Variants in TMEM135 observed in about 807,000 individuals in gnomAD.
TMEM135 encodes the protein peroxisomal membrane protein 52.
Under a neutral mutation model 60.3 loss-of-function variants are expected in TMEM135, and 30 were observed. That is an observed-to-expected ratio of 0.50 (90% CI 0.37 to 0.68). TMEM135 has a LOEUF of 0.68. Ranked by LOEUF, TMEM135 falls within the 30% of genes least tolerant of loss-of-function variation. The pLI, the probability that TMEM135 is intolerant of heterozygous loss-of-function variation, is 0.00. For missense variants in TMEM135, 468 were observed against 548.8 expected (o/e 0.85, Z 1.47); for synonymous variants, 190 against 186.7 (o/e 1.02, Z -0.14).
intron 4 of TMEM135, among the ~76,000 whole-genome samples, chr11:87,098,466 A>T (rs572327368): frequency 6.6e-6 from 1 of 152,290 alleles, no homozygotes; most frequent in South Asian, 2.1e-4. Context: ...TACATAGATG[A>T]AGTACATGAC....
intron 5 of TMEM135, among the ~76,000 whole-genome samples, chr11:87,196,752 T>C (rs1939967104): frequency 6.7e-6 from 1 of 148,324 alleles, no homozygotes; most frequent in South Asian, 2.2e-4. Context: ...GCCAGTGAAA[T>C]TTTCAATGAA....
Position 87,203,744 on chromosome 11 carries a change from G to T in TMEM135, c.463-32894G>T, listed in dbSNP as rs553439469. 9.9e-4 allele frequency among the ~76,000 whole-genome samples: 150 copies of T among 152,284 alleles called. 1 individual carries two copies. The highest frequency in any genetic ancestry group is 3.6e-3 in the African/African-American group (149 of 41,562). Reference sequence around the variant, plus strand: ...TACCGAGGAGCACAATTGCTGGATTGTATGGTAAAAATATGTTTAATTTTG... The same window carrying T: ...TACCGAGGAGCACAATTGCTGGATTTTATGGTAAAAATATGTTTAATTTTG... On this transcript the variant is annotated intron_variant, in intron 5 of 14. Transcript: ENST00000305494.
intron 7 of TMEM135, among the ~76,000 whole-genome samples, chr11:87,297,665 A>G (rs1392882962): frequency 6.6e-6 from 1 of 152,240 alleles, no homozygotes; most frequent in Non-Finnish European, 1.5e-5. Context: ...CACTTTTAAC[A>G]GAGGGCTAGT....
chr11:87,310,711 G>T (rs1942626558), intron 10 of TMEM135, among the ~76,000 whole-genome samples: 1 of 151,772 alleles, frequency 6.6e-6, no homozygotes, highest in Non-Finnish European at 1.5e-5. Flanking sequence ...CCATCTGCTA[G>T]CCATGGAGAG....
intron 1 of TMEM135, among the ~76,000 whole-genome samples, chr11:87,058,111 A>G (rs1359466470): frequency 2.0e-5 from 3 of 152,152 alleles, no homozygotes; most frequent in Non-Finnish European, 4.4e-5. Context: ...CAGGTCTTCA[A>G]CTGAGAGGAT....
chr11:87,302,909 A>G (rs914085196), intron 8 of TMEM135, among the ~76,000 whole-genome samples: 1 of 152,246 alleles, frequency 6.6e-6, no homozygotes, highest in African/African-American at 2.4e-5. Flanking sequence ...GTATATTATA[A>G]AAAGAAGCTA....
chr11:87,085,324 C>T (rs1857072979), intron 3 of TMEM135, among the ~76,000 whole-genome samples: 2 of 152,132 alleles, frequency 1.3e-5, no homozygotes, highest in Admixed American at 1.3e-4. Flanking sequence ...ATTTTGAGAA[C>T]AGAATAGGAC....
At chr11:87,307,009 G>A (rs1350732993) in intron 9 of TMEM135, among the ~76,000 whole-genome samples, 2 of 152,060 alleles carry the variant, frequency 1.3e-5, no homozygotes, top group East Asian at 3.9e-4. Flanking sequence ...GTGAACCACC[G>A]CGCCCGGCCA....
intron 13 of TMEM135, 49 bp from the exon 14 acceptor site, chr11:87,319,261 T>G: frequency 4.2e-6 from 6 of 1,438,668 alleles, no homozygotes; most frequent in Non-Finnish European, 5.9e-6. Flanking sequence ...TTCATCACTT[T>G]CAGTTTTCAT....
chr11:87,055,039 G>A (rs1949880247), intron 1 of TMEM135, among the ~76,000 whole-genome samples: 1 of 152,116 alleles, frequency 6.6e-6, no homozygotes, highest in Admixed American at 6.5e-5. Flanking sequence ...TAACAATGAA[G>A]GGGGAAGGTA....
At chr11:87,056,052 AG>A (rs994086046) in intron 1 of TMEM135, among the ~76,000 whole-genome samples, 9 of 152,178 alleles carry the variant, frequency 5.9e-5, no homozygotes, top group Non-Finnish European at 1.3e-4. Flanking sequence ...GCTTGTATAT[AG>A]GGGGAGGTGT....
intron 7 of TMEM135, among the ~76,000 whole-genome samples, chr11:87,298,033 G>A (rs10751153): frequency 0.63 from 95,896 of 152,048 alleles, 30,521 homozygotes; most frequent in Non-Finnish European, 0.67. Context: ...AATAATGTGA[G>A]TTAATATGTG....
chr11:87,174,600 G>A (rs1281292345), intron 5 of TMEM135, among the ~76,000 whole-genome samples: 1 of 152,092 alleles, frequency 6.6e-6, no homozygotes, highest in Non-Finnish European at 1.5e-5. Context: ...AATAAGTATG[G>A]AAAAGAATCT....
intron 1 of TMEM135, among the ~76,000 whole-genome samples, chr11:87,045,326 G>C (rs1010809923): frequency 6.6e-6 from 1 of 152,138 alleles, no homozygotes; most frequent in Admixed American, 6.5e-5. Flanking sequence ...CACCGCACCC[G>C]GCTGAAGTTG....
intron 4 of TMEM135, among the ~76,000 whole-genome samples, chr11:87,156,570 C>T (rs761455702): frequency 2.0e-5 from 3 of 152,054 alleles, no homozygotes; most frequent in Non-Finnish European, 4.4e-5. Flanking sequence ...ACAAGTCTTT[C>T]ACTTCCTTGT....
chr11:87,072,007 G>C (rs717723), intron 3 of TMEM135, among the ~76,000 whole-genome samples: 69,826 of 151,712 alleles, frequency 0.46, 16,982 homozygotes, highest in East Asian at 0.64. Context: ...GCCAGCATTG[G>C]AAAACCCTGT....
intron 5 of TMEM135, among the ~76,000 whole-genome samples, chr11:87,187,975 T>G (rs1161271112): frequency 6.6e-6 from 1 of 152,242 alleles, no homozygotes; most frequent in Admixed American, 6.5e-5. Flanking sequence ...TATCTGTCTT[T>G]GTTTAGAAAT....
chr11:87,218,082 C>A (rs769445985), intron 5 of TMEM135, among the ~76,000 whole-genome samples: 2 of 152,078 alleles, frequency 1.3e-5, no homozygotes, highest in African/African-American at 4.8e-5. Flanking sequence ...TTTTAGTTGT[C>A]GTCATTGGTG....
chr11:87,183,852 AG>A (rs1939583423), intron 5 of TMEM135, among the ~76,000 whole-genome samples: 1 of 145,768 alleles, frequency 6.9e-6, no homozygotes, highest in Admixed American at 7.1e-5. Flanking sequence ...GCTAGTTGGG[AG>A]GCTGAGGCAG....
Sources: allele counts gnomAD v4.1 joint callset (sites outside exome capture counted in the v4.1 genomes callset), GRCh38; gene constraint gnomAD v4.1.1; transcripts MANE v1.5; gene names NCBI Gene and HGNC (gene_info 2026-07-23, HGNC 2026-07-21).